The following AMN1 variants were observed in gnomAD, a reference collection of about 807,000 sequenced individuals.
The protein encoded by AMN1 is antagonist of mitotic exit network 1 homolog, also known as protein AMN1 homolog.
In AMN1, 20 loss-of-function variants were observed where a neutral mutation model predicts 33.0. That is an observed-to-expected ratio of 0.61 (90% CI 0.43 to 0.88). The LOEUF (loss-of-function observed/expected upper bound fraction) is 0.88, where lower values mean the gene tolerates loss of function less well. AMN1 is among the 40% of genes least tolerant of loss of function. AMN1 has a pLI of 0.00. For missense variants in AMN1, 246 were observed against 307.4 expected, an observed-to-expected ratio of 0.80 and a Z score of 1.49; for synonymous variants, 114 against 111.9, an observed-to-expected ratio of 1.02 and a Z score of -0.12.
chr12:31,707,668 T>C (rs1190197605), intron 2 of AMN1, among the ~76,000 whole-genome samples: 2 of 152,200 alleles, frequency 1.3e-5, no homozygotes, highest in African/African-American at 4.8e-5. Context: ...TGATTTCAGA[T>C]GCCTCTGGAA....
At chr12:31,689,234 A>T (rs1938399926) in intron 5 of AMN1, 116 bp from the exon 6 acceptor site, 1 of 716,660 alleles carries the variant, frequency 1.4e-6, no homozygotes, top group Non-Finnish European at 2.3e-6. Context: ...TTGCAAAAAA[A>T]AAGTATATAG....
rs538996685 is a variant in AMN1 at position 31,677,277 on chromosome 12, G to A, written c.704-4900C>T. On this transcript the variant is annotated intron_variant, in intron 6 of 6. Transcript: ENST00000281471. ...ATCGCGCCACTGCACTCCAGCCTGG[G>A]TGACTGAGCGAGACTCCGTCTCAAA... 1.1e-3 allele frequency among the ~76,000 whole-genome samples: 163 copies of A among 152,282 alleles called. 1 individual carries two copies. In the Middle Eastern group the frequency reaches 0.02, roughly 19 times the overall value.
chr12:31,705,097 G>A (rs11051540), intron 2 of AMN1, among the ~76,000 whole-genome samples: 9,386 of 152,284 alleles, frequency 0.062, 562 homozygotes, highest in East Asian at 0.28. Context: ...AAGCTAACAT[G>A]AAGAAAATAA....
chr12:31,692,457 A>C (rs2052927589), intron 5 of AMN1, among the ~76,000 whole-genome samples: 1 of 151,682 alleles, frequency 6.6e-6, no homozygotes, highest in Non-Finnish European at 1.5e-5. Context: ...GTCTCAAAAA[A>C]AAAAAACAAA....
chr12:31,683,568 G>GT lies in AMN1; in HGVS notation c.703+5438dup, dbSNP rs1437280473. Among the ~76,000 whole-genome samples the GT allele has an allele frequency of 6.6e-6, 1 of 151,770 alleles. No homozygotes were observed. The highest frequency in any genetic ancestry group is 6.6e-5 in the Admixed American group (1 of 15,158). ...CATGGGGGCAAGTCTTTCCTGTGCTGTTCTTATGATAGTAAATAAGTCTCA... is the reference window on the plus strand; with the variant it reads ...CATGGGGGCAAGTCTTTCCTGTGCTGTTTCTTATGATAGTAAATAAGTCTCA... On this transcript the variant is annotated intron_variant, in intron 6 of 6. Transcript: ENST00000281471. The surrounding 1 kb of genome is among the most constrained non-coding windows in gnomAD (Gnocchi z 4.1).
chr12:31,699,142 G>A (rs1362699562), intron 3 of AMN1, among the ~76,000 whole-genome samples: 4 of 152,032 alleles, frequency 2.6e-5, no homozygotes, highest in Non-Finnish European at 4.4e-5. Context: ...TGTAATCTCA[G>A]CACTTTGGGA....
chr12:31,711,249 C>G (rs1219894248), intron 1 of AMN1, among the ~76,000 whole-genome samples: 2 of 152,052 alleles, frequency 1.3e-5, no homozygotes, highest in Non-Finnish European at 2.9e-5. Flanking sequence ...TTCCCACTCC[C>G]ATTCCCCACC....
chr12:31,718,166 T>C (rs958806079), intron 1 of AMN1, among the ~76,000 whole-genome samples: 7 of 151,920 alleles, frequency 4.6e-5, no homozygotes, highest in African/African-American at 1.7e-4. Flanking sequence ...AGTAAGTTGA[T>C]CTTCAATCTC....
Position 31,709,330 on chromosome 12 carries a change from C to T in AMN1, c.134G>A (p.Ser45Asn). ...NIKDRLIKIM[S>N]MQGQITDSNI... ...TGAATCTGTTATCTGTCCCTGCATA[C>T]TCATTATTTTAATCAGTCTGTCTTT... Residue 45 changes from serine to asparagine, a missense_variant, in exon 2 of 7, where the codon AGT (serine) becomes AAT (asparagine). Coordinates refer to ENST00000281471, the MANE Select transcript of AMN1 (RefSeq NM_001113402.2). The T allele has an allele frequency of 6.2e-7, 1 of 1,613,846 alleles. No individual in the cohort carries two copies.
chr12:31,726,056 T>C (rs1041898790), intron 1 of AMN1, among the ~76,000 whole-genome samples: 1 of 152,216 alleles, frequency 6.6e-6, no homozygotes, highest in Non-Finnish European at 1.5e-5. Flanking sequence ...GCTTGATATT[T>C]CTACTGGATA....
At chr12:31,704,563 T>C (rs945007263) in intron 2 of AMN1, among the ~76,000 whole-genome samples, 1 of 152,228 alleles carries the variant, frequency 6.6e-6, no homozygotes, top group Admixed American at 6.5e-5. Context: ...TCCAACTTTT[T>C]TTCTTGGTTT....
rs1938134079 is a variant in AMN1, at chr12:31,683,798, T to A, written c.703+5209A>T. Among the ~76,000 whole-genome samples the A allele has an allele frequency of 6.6e-6, 1 of 152,232 alleles. No homozygotes were observed. Among genetic ancestry groups the A allele is most frequent in the Non-Finnish European group, 1.5e-5 (1 of 68,036 alleles). ...CTGTATCAGCAGTGTGAAAACGGAC[T>A]AATACAATGACTACAGTGTAAGGTT... On this transcript the variant is annotated intron_variant, in intron 6 of 6. Coordinates refer to ENST00000281471, the MANE Select transcript of AMN1 (RefSeq NM_001113402.2). This position sits in a 1 kb window ranked among gnomAD's most constrained non-coding sequence, Gnocchi z 4.1.
At chr12:31,724,906 A>G in intron 1 of AMN1, among the ~76,000 whole-genome samples, 1 of 152,276 alleles carries the variant, frequency 6.6e-6, no homozygotes, top group East Asian at 1.9e-4. Flanking sequence ...CACAAAGCCC[A>G]TCCAGAAACC....
intron 5 of AMN1, among the ~76,000 whole-genome samples, chr12:31,692,138 A>G (rs180670614): frequency 6.6e-6 from 1 of 151,906 alleles, no homozygotes; most frequent in African/African-American, 2.4e-5. Flanking sequence ...CAGCCTCTCA[A>G]AGTGTTGGGA....
At chr12:31,714,214 T>C (rs1043578569) in intron 1 of AMN1, among the ~76,000 whole-genome samples, 2 of 152,088 alleles carry the variant, frequency 1.3e-5, no homozygotes, top group Non-Finnish European at 1.5e-5. Flanking sequence ...AGAATACACC[T>C]CCACCTGTAA....
chr12:31,726,161 C>CT (rs11384337), intron 1 of AMN1, among the ~76,000 whole-genome samples: 122,521 of 142,346 alleles, frequency 0.86, 52,758 homozygotes, highest in Non-Finnish European at 0.92. Context: ...AGAGTAATTT[C>CT]TTTTTTTTTT....
intron 6 of AMN1, chr12:31,672,651 A>C (rs1565756483): frequency 3.3e-6 from 1 of 307,486 alleles, no homozygotes. Flanking sequence ...TAATTCCACC[A>C]ACCAGAGTAA....
intron 1 of AMN1, chr12:31,719,444 A>C: frequency 3.7e-6 from 1 of 266,766 alleles, no homozygotes; most frequent in Non-Finnish European, 5.8e-6. Flanking sequence ...AATATATACA[A>C]TTATACACAT....
In AMN1 at chr12:31,672,262, T is replaced by C; in HGVS notation, c.*42A>G. On this transcript the variant is annotated 3_prime_UTR_variant, in exon 7 of 7. Coordinates refer to ENST00000281471, the MANE Select transcript of AMN1 (RefSeq NM_001113402.2). ...TATAGATGGTTTCCTGGGAAAGTAG[T>C]TTTGATAAGCTTTCCTAGCATTGAT... The C allele has an allele frequency of 7.1e-7, 1 of 1,398,808 alleles. No homozygotes were observed. The highest frequency in any genetic ancestry group is 9.9e-7 in the Non-Finnish European group (1 of 1,008,200). 86.6% of individuals were successfully genotyped at this position (1,398,808 alleles called of 1,614,324 possible).
Sources: gnomAD v4.1 joint callset for allele counts (sites outside exome capture counted in the v4.1 genomes callset) on GRCh38, gnomAD v4.1.1 for gene constraint, Gnocchi (gnomAD v3.1) non-coding constraint, MANE v1.5 for transcripts, NCBI Gene and HGNC (gene_info 2026-07-23, HGNC 2026-07-21) for gene names.